TMEM9B: variants seen among roughly 807,000 people sequenced by gnomAD.
TMEM9B encodes transmembrane protein 9B.
In TMEM9B, 8 loss-of-function variants were observed where a neutral mutation model predicts 23.5. That is an observed-to-expected ratio of 0.34 (90% CI 0.20 to 0.61). TMEM9B has a LOEUF of 0.61. Among genes scored for constraint, TMEM9B ranks in the 20% least tolerant of loss-of-function variants. The pLI is 0.78. For synonymous variants in TMEM9B, 106 were observed against 96.3 expected, an observed-to-expected ratio of 1.10 and a Z score of -0.59; for missense variants, 197 against 252.3, an observed-to-expected ratio of 0.78 and a Z score of 1.49.
At position 8,948,392 on chromosome 11, in the gene TMEM9B, T is replaced by G. The variant is rs761267233; in HGVS notation, c.525A>C (p.Ala175=). 1 of 1,614,222 alleles carries G rather than the reference T, an allele frequency of 6.2e-7. No homozygotes were observed. The highest frequency in any genetic ancestry group is 1.7e-4 in the Middle Eastern group (1 of 6,058). Residue 175 remains alanine (A), a synonymous_variant, in exon 5 of 5, where the codon GCA becomes GCC. Coordinates refer to ENST00000534025, the MANE Select transcript of TMEM9B (RefSeq NM_020644.3). ...GGACTTGAAGCTTCCAGCGCTGCTG[T>G]GCATATTCTACCTTGTTCAGCACGT... ...RANVLNKVEY[A]QQRWKLQVQE...
intron 2 of TMEM9B, among the ~76,000 whole-genome samples, chr11:8,960,074 T>G (rs1377687107): frequency 1.4e-5 from 2 of 148,112 alleles, no homozygotes; most frequent in East Asian, 2.0e-4. Context: ...CAAGGGAGAG[T>G]GGGAGAGAGG....
intron 3 of TMEM9B, among the ~76,000 whole-genome samples, chr11:8,955,272 A>G (rs1034083740): frequency 3.3e-5 from 5 of 151,922 alleles, no homozygotes; most frequent in African/African-American, 7.3e-5. Context: ...ATACTCCACA[A>G]CCTTTTTGGC....
chr11:8,951,479 C>T (rs1322094603), intron 4 of TMEM9B, among the ~76,000 whole-genome samples: 1 of 151,934 alleles, frequency 6.6e-6, no homozygotes, highest in Non-Finnish European at 1.5e-5. Flanking sequence ...CAGCTGGGTG[C>T]GGTGGCTCAC....
At chr11:8,961,778 GAA>G (rs1854088044) in intron 2 of TMEM9B, among the ~76,000 whole-genome samples, 7 of 152,202 alleles carry the variant, frequency 4.6e-5, no homozygotes, top group African/African-American at 1.7e-4. Context: ...GCAAGAGGGA[GAA>G]AGGTCCCTCA....
chr11:8,958,086 G>A (rs780689887), intron 2 of TMEM9B, among the ~76,000 whole-genome samples: 1 of 150,440 alleles, frequency 6.6e-6, no homozygotes, highest in Non-Finnish European at 1.5e-5. Flanking sequence ...TTGAACCTGG[G>A]AGGTGGAGGT....
rs765323784 is a variant in TMEM9B, at chr11:8,964,222, G to A, written c.92C>T (p.Ser31Leu). ...GGCGGGACTCACCTTGGCGGCGTCTGACAGCTGCGCCAGCAGCAGCACGGA... is the reference window on the plus strand; with the variant it reads ...GGCGGGACTCACCTTGGCGGCGTCTAACAGCTGCGCCAGCAGCAGCACGGA... ...ALSVLLLAQLSDAAKNFEDVR... is the reference protein window; with the variant it reads ...ALSVLLLAQLLDAAKNFEDVR... The change falls in exon 1 of 5, where the codon TCA (serine) becomes TTA (leucine). Residue 31 changes from serine to leucine, a missense_variant. Ser to Leu is a moderately radical substitution (Grantham distance 145). Coordinates refer to ENST00000534025, the MANE Select transcript of TMEM9B (RefSeq NM_020644.3). 1.9e-6 allele frequency: 3 copies of A among 1,583,652 alleles called. No individual in the cohort carries two copies. The Admixed American group carries it at 5.4e-5, about 29-fold the overall frequency.
chr11:8,948,505 G>C, intron 4 of TMEM9B, 30 bp from the exon 5 acceptor site: 1 of 1,608,700 alleles, frequency 6.2e-7, no homozygotes, highest in East Asian at 2.2e-5. Context: ...GAACATTAGA[G>C]ATGGCACAGT....
At chr11:8,952,249 T>TAC (rs142506777) in intron 4 of TMEM9B, among the ~76,000 whole-genome samples, 208 of 122,690 alleles carry the variant, frequency 1.7e-3, no homozygotes, top group African/African-American at 2.7e-3. Context: ...GCCAACTATA[T>TAC]ACACACACAC....
chr11:8,954,444 A>G (rs1000903810), intron 3 of TMEM9B, among the ~76,000 whole-genome samples: 8 of 152,014 alleles, frequency 5.3e-5, no homozygotes, highest in African/African-American at 1.7e-4. Flanking sequence ...GCGTGCCACC[A>G]CACCTGGCTA....
intron 4 of TMEM9B, among the ~76,000 whole-genome samples, chr11:8,949,175 G>T (rs1172652612): frequency 1.3e-5 from 2 of 152,184 alleles, no homozygotes; most frequent in Non-Finnish European, 2.9e-5. Flanking sequence ...ATCTTCCATT[G>T]TTAAGCACCC....
chr11:8,951,554 A>T (rs1220194850), intron 4 of TMEM9B, among the ~76,000 whole-genome samples: 1 of 149,052 alleles, frequency 6.7e-6, no homozygotes, highest in Non-Finnish European at 1.5e-5. Flanking sequence ...GATTGAGACC[A>T]TCCTGGCTAA....
At position 8,956,172 on chromosome 11, in the gene TMEM9B, G is replaced by A. The variant is rs756200471; in HGVS notation, c.306+18C>T. On this transcript the variant is annotated intron_variant, in intron 3 of 4. Transcript: ENST00000534025. ...AGACAGACAGACAGACAGGTAGATA[G>A]AGGGATATATATTTTACCTTGATTG... 10 of 1,602,586 alleles carry A rather than the reference G, an allele frequency of 6.2e-6. No homozygotes were observed. The African/African-American group carries it at 1.2e-4, about 19-fold the overall frequency.
At chr11:8,956,571 A>G (rs570811740) in intron 2 of TMEM9B, among the ~76,000 whole-genome samples, 9 of 152,296 alleles carry the variant, frequency 5.9e-5, no homozygotes, top group African/African-American at 2.2e-4. Context: ...CACACAAAAA[A>G]TCCCAAATGG....
rs537373669 is a variant in TMEM9B, at chr11:8,949,958, G to A, written c.442-1483C>T. Among the ~76,000 whole-genome samples, 77 of 151,206 alleles carry A rather than the reference G, an allele frequency of 5.1e-4. 2 individuals are homozygous for A. In the South Asian group the frequency reaches 9.0e-3, roughly 18 times the overall value. ...GCTGGAAGGCAGGGGCTATTCACAG[G>A]TGTGATCACAGCTCACTGCAGCCTT... On this transcript the variant is annotated intron_variant, in intron 4 of 4. Transcript: ENST00000534025.
Position 8,957,985 on chromosome 11 carries a change from C to A in TMEM9B, c.198-1687G>T, listed in dbSNP as rs984266845. Among the ~76,000 whole-genome samples, 1 of 150,798 alleles carries A rather than the reference C, an allele frequency of 6.6e-6. No individual in the cohort carries two copies. The highest frequency in any genetic ancestry group is 2.0e-4 in the East Asian group (1 of 5,120). On this transcript the variant is annotated intron_variant, in intron 2 of 4. Transcript: ENST00000534025. This position sits in a 1 kb window ranked among gnomAD's most constrained non-coding sequence, Gnocchi z 4.3. Reference sequence around the variant, plus strand: ...CAGCCTGACCAACATGGAGAAACCCCGTCTCTACTAAAAATACAAAAAAAT... The same window carrying A: ...CAGCCTGACCAACATGGAGAAACCCAGTCTCTACTAAAAATACAAAAAAAT...
chr11:8,963,180 G>T (rs1854111940), intron 1 of TMEM9B, among the ~76,000 whole-genome samples: 2 of 152,220 alleles, frequency 1.3e-5, no homozygotes, highest in Non-Finnish European at 2.9e-5. Flanking sequence ...GAGGGTGCCA[G>T]CAATGTTTTC....
chr11:8,950,972 A>C (rs1053625737), intron 4 of TMEM9B, among the ~76,000 whole-genome samples: 2 of 152,350 alleles, frequency 1.3e-5, no homozygotes, highest in African/African-American at 4.8e-5. Context: ...ATAAATTCAC[A>C]GCTCTGGTCA....
chr11:8,964,610 T>A, upstream of TMEM9B: 1 of 557,120 alleles, frequency 1.8e-6, no homozygotes, highest in Non-Finnish European at 2.8e-6. Flanking sequence ...CTGGGCCCAG[T>A]AGAGCTTTGC....
At chr11:8,963,902 G>A (rs1171567193) in intron 1 of TMEM9B, 2 of 416,508 alleles carry the variant, frequency 4.8e-6, no homozygotes, top group East Asian at 4.7e-5. Flanking sequence ...TCAAGTGTAA[G>A]ATGCGTGCAG....
Sources: allele counts gnomAD v4.1 joint callset (sites outside exome capture counted in the v4.1 genomes callset), GRCh38; gene constraint gnomAD v4.1.1; non-coding constraint Gnocchi (gnomAD v3.1); transcripts MANE v1.5; gene names NCBI Gene and HGNC (gene_info 2026-07-23, HGNC 2026-07-21).